Variants in CDH13 observed in about 807,000 individuals in gnomAD.
CDH13 encodes the protein cadherin 13, also known as cadherin-13.
In CDH13, 24 loss-of-function variants were observed where a neutral mutation model predicts 63.8. The ratio of observed to expected loss-of-function variants is 0.38; its 90% CI spans 0.27 to 0.53. The LOEUF (loss-of-function observed/expected upper bound fraction) is 0.53, where lower values mean the gene tolerates loss of function less well. Ranked by LOEUF, CDH13 falls within the 20% of genes least tolerant of loss-of-function variation. CDH13 has a pLI of 0.85. For synonymous variants in CDH13, 503 were observed against 355.3 expected, an observed-to-expected ratio of 1.42 and a Z score of -4.67; for missense variants, 1,049 against 903.1, an observed-to-expected ratio of 1.16 and a Z score of -2.07.
rs565878687 is a variant in CDH13 at position 83,716,487 on chromosome 16, C to CT, written c.1539-31614dup. 1.1e-3 allele frequency among the ~76,000 whole-genome samples: 164 copies of CT among 152,190 alleles called. 1 individual carries two copies. The highest frequency in any genetic ancestry group is 3.7e-3 in the African/African-American group (153 of 41,548). Reference sequence around the variant, plus strand: ...CCCACTCTGCTGTACCTCTTACTGGCTTTTTTTATGTCTTGAGTCACAGTC... The same window carrying CT: ...CCCACTCTGCTGTACCTCTTACTGGCTTTTTTTTATGTCTTGAGTCACAGTC... On this transcript the variant is annotated intron_variant, in intron 10 of 13. Transcript: ENST00000567109.
rs2091178554 is a variant in CDH13, at chr16:83,362,367, T to A, written c.781+17361T>A. On this transcript the variant is annotated intron_variant, in intron 6 of 13. Transcript: ENST00000567109. ...GCTTTTGAAAACTCCTATTCTAAGGTCTTTCCTGACCTATTTCAGCAAAAT... is the reference window on the plus strand; with the variant it reads ...GCTTTTGAAAACTCCTATTCTAAGGACTTTCCTGACCTATTTCAGCAAAAT... Among the ~76,000 whole-genome samples, 3 of 152,204 alleles carry A rather than the reference T, an allele frequency of 2.0e-5. No homozygotes were observed. The South Asian group carries it at 6.2e-4, about 32-fold the overall frequency.
chr16:82,685,620 ATG>A (rs528744819), intron 1 of CDH13, among the ~76,000 whole-genome samples: 44 of 152,104 alleles, frequency 2.9e-4, no homozygotes, highest in Middle Eastern at 6.8e-3. Context: ...ACATGTGTGG[ATG>A]TGTGTGTGTG....
intron 2 of CDH13, among the ~76,000 whole-genome samples, chr16:82,867,232 T>C (rs1440288393): frequency 6.6e-6 from 1 of 152,152 alleles, no homozygotes; most frequent in African/African-American, 2.4e-5. Context: ...GAACCCAGGA[T>C]TTTAGGGCCC....
intron 8 of CDH13, among the ~76,000 whole-genome samples, chr16:83,661,704 G>A (rs1384441837): frequency 6.6e-6 from 1 of 152,160 alleles, no homozygotes; most frequent in African/African-American, 2.4e-5. Context: ...TCATGTAGAG[G>A]AAGAGTACAG....
chr16:82,714,220 C>G (rs2032181861), intron 1 of CDH13, among the ~76,000 whole-genome samples: 1 of 152,218 alleles, frequency 6.6e-6, no homozygotes, highest in Non-Finnish European at 1.5e-5. Context: ...CTTAAGCCCT[C>G]TTCCCCAGGG....
chr16:83,379,062 A>G (rs1289577143), intron 6 of CDH13, among the ~76,000 whole-genome samples: 1 of 152,004 alleles, frequency 6.6e-6, no homozygotes, highest in African/African-American at 2.4e-5. Flanking sequence ...TTGATGTCAT[A>G]TTTACCCATG....
intron 2 of CDH13, among the ~76,000 whole-genome samples, chr16:82,914,534 A>G (rs2041926242): frequency 6.6e-6 from 1 of 152,234 alleles, no homozygotes; most frequent in Non-Finnish European, 1.5e-5. Flanking sequence ...AAGGACCCAG[A>G]CACTCCTAAG....
At chr16:82,695,574 C>A (rs921443318) in intron 1 of CDH13, among the ~76,000 whole-genome samples, 1 of 152,168 alleles carries the variant, frequency 6.6e-6, no homozygotes, top group South Asian at 2.1e-4. Context: ...TAAGAACCAT[C>A]TCATGGCATT....
chr16:82,712,470 C>T (rs867319510), intron 1 of CDH13, among the ~76,000 whole-genome samples: 31 of 152,242 alleles, frequency 2.0e-4, no homozygotes, highest in Non-Finnish European at 2.2e-4. Context: ...GGTAATAAAT[C>T]GTGCCTGATA....
At chr16:82,855,776 A>G (rs1364059722) in intron 1 of CDH13, among the ~76,000 whole-genome samples, 1 of 152,048 alleles carries the variant, frequency 6.6e-6, no homozygotes. Flanking sequence ...CCCCATTTCA[A>G]TTTCTCTGAT....
At chr16:83,545,330 C>G (rs1488968721) in intron 7 of CDH13, among the ~76,000 whole-genome samples, 1 of 152,156 alleles carries the variant, frequency 6.6e-6, no homozygotes, top group African/African-American at 2.4e-5. Flanking sequence ...AGTGGATGTG[C>G]TAAATTAGAT....
chr16:83,521,290 G>C lies in CDH13; in HGVS notation c.960+34635G>C, dbSNP rs182832234. Among the ~76,000 whole-genome samples the C allele has an allele frequency of 1.1e-4, 16 of 151,782 alleles. No individual in the cohort carries two copies. The East Asian group carries it at 2.9e-3, about 28-fold the overall frequency. ...AAGTTATAAAGTAATCGGCCACCCTGTATGACTGTGAGGTCCTTCAAGAGA... is the reference window on the plus strand; with the variant it reads ...AAGTTATAAAGTAATCGGCCACCCTCTATGACTGTGAGGTCCTTCAAGAGA... On this transcript the variant is annotated intron_variant, in intron 7 of 13. Coordinates refer to ENST00000567109, the MANE Select transcript of CDH13 (RefSeq NM_001257.5).
intron 8 of CDH13, among the ~76,000 whole-genome samples, chr16:83,659,768 G>C (rs1485492288): frequency 6.7e-6 from 1 of 150,254 alleles, no homozygotes; most frequent in Non-Finnish European, 1.5e-5. Flanking sequence ...CCATGAGTTA[G>C]AGCAGCAGTC....
chr16:83,151,518 G>A (rs975845633), intron 4 of CDH13, among the ~76,000 whole-genome samples: 6 of 152,066 alleles, frequency 3.9e-5, no homozygotes, highest in Non-Finnish European at 7.3e-5. Context: ...AACAAACCCA[G>A]AACAACTGAA....
chr16:83,053,623 A>G (rs963755700), intron 3 of CDH13, among the ~76,000 whole-genome samples: 1 of 152,222 alleles, frequency 6.6e-6, no homozygotes, highest in Non-Finnish European at 1.5e-5. Flanking sequence ...GAAAATGAAA[A>G]AAAGTAAGAA....
intron 2 of CDH13, among the ~76,000 whole-genome samples, chr16:82,934,541 C>T (rs996209794): frequency 2.0e-5 from 3 of 152,344 alleles, no homozygotes; most frequent in South Asian, 4.1e-4. Context: ...GTTACTTATG[C>T]AAATTTCTGC....
At chr16:83,216,737 G>A (rs1237801329) in intron 4 of CDH13, among the ~76,000 whole-genome samples, 2 of 147,322 alleles carry the variant, frequency 1.4e-5, no homozygotes, top group African/African-American at 2.5e-5. Flanking sequence ...ATATATAGGG[G>A]TTTGATATAT....
At chr16:83,471,010 C>T (rs989358689) in intron 6 of CDH13, among the ~76,000 whole-genome samples, 3 of 152,120 alleles carry the variant, frequency 2.0e-5, no homozygotes, top group African/African-American at 4.8e-5. Flanking sequence ...CTTCCTTGGT[C>T]TTCAAAGCCA....
intron 1 of CDH13, among the ~76,000 whole-genome samples, chr16:82,705,793 C>T (rs2031437954): frequency 6.6e-6 from 1 of 152,122 alleles, no homozygotes; most frequent in Non-Finnish European, 1.5e-5. Context: ...CTTGATTGTG[C>T]TTCTCATTTT....
Sources: allele counts gnomAD v4.1 joint callset (sites outside exome capture counted in the v4.1 genomes callset), GRCh38; gene constraint gnomAD v4.1.1; transcripts MANE v1.5; gene names NCBI Gene and HGNC (gene_info 2026-07-23, HGNC 2026-07-21).